The following GNA15 variants were observed in gnomAD, a reference collection of about 807,000 sequenced individuals.
The protein encoded by GNA15 is guanine nucleotide-binding protein subunit alpha-15.
GNA15 carries 23 observed loss-of-function variants against 40.1 expected under a neutral mutation model. The ratio of observed to expected loss-of-function variants is 0.57; its 90% CI spans 0.41 to 0.81. The LOEUF (loss-of-function observed/expected upper bound fraction) is 0.81. Ranked by LOEUF, GNA15 falls within the 40% of genes least tolerant of loss-of-function variation. The pLI, the probability that GNA15 is intolerant of heterozygous loss-of-function variation, is 0.00. For missense variants in GNA15, 522 were observed against 515.8 expected (o/e 1.01, Z -0.12); for synonymous variants, 226 against 210.4 (o/e 1.07, Z -0.64).
At chr19:3,147,396 T>C (rs1914750107) in intron 1 of GNA15, among the ~76,000 whole-genome samples, 1 of 150,298 alleles carries the variant, frequency 6.7e-6, no homozygotes, top group South Asian at 2.1e-4. Context: ...GTACTAAAAA[T>C]ACAAAAATTA....
At chr19:3,156,189 C>CAT (rs1915010257) in intron 5 of GNA15, among the ~76,000 whole-genome samples, 2 of 151,454 alleles carry the variant, frequency 1.3e-5, no homozygotes, top group African/African-American at 2.4e-5. Flanking sequence ...CACACACACA[C>CAT]ACACACACAC....
chr19:3,145,852 A>G (rs1001385523), intron 1 of GNA15, among the ~76,000 whole-genome samples: 10 of 151,426 alleles, frequency 6.6e-5, no homozygotes, highest in Admixed American at 3.9e-4. Context: ...CCAGCCGAGA[A>G]AAGCCTGTTT....
At chr19:3,148,960 A>C (rs1269172152) in intron 2 of GNA15, 185 bp downstream of exon 2, 3 of 600,154 alleles carry the variant, frequency 5.0e-6, no homozygotes, top group East Asian at 2.8e-5. Context: ...CATACATACA[A>C]GTGCACACAC....
chr19:3,156,416 CATG>C (rs1335573512), intron 5 of GNA15, among the ~76,000 whole-genome samples: 1 of 122,646 alleles, frequency 8.2e-6, no homozygotes, highest in East Asian at 2.0e-4. Flanking sequence ...TGCGCACACA[CATG>C]AACACACACA....
At chr19:3,145,967 C>T (rs918327040) in intron 1 of GNA15, among the ~76,000 whole-genome samples, 6 of 152,230 alleles carry the variant, frequency 3.9e-5, no homozygotes, top group African/African-American at 1.2e-4. Flanking sequence ...GTGCAGGTGG[C>T]ACCTGCTAGG....
chr19:3,148,475 C>A, intron 1 of GNA15, 116 bp from the exon 2 acceptor site: 7 of 993,618 alleles, frequency 7.0e-6, no homozygotes, highest in Non-Finnish European at 1.0e-5. Flanking sequence ...CCCGGCTGCA[C>A]CGGGGTTTGA....
At position 3,136,712 on chromosome 19, in the gene GNA15, C is replaced by T. The variant is rs866766675; in HGVS notation, c.145+117C>T. The T allele has an allele frequency of 8.8e-6, 8 of 906,442 alleles. No individual in the cohort carries two copies. Among genetic ancestry groups the T allele is most frequent in the South Asian group, 1.7e-5 (1 of 58,410 alleles). 56.1% of individuals were successfully genotyped at this position (906,442 alleles called of 1,614,324 possible). On this transcript the variant is annotated intron_variant, in intron 1 of 6. Transcript: ENST00000262958. The surrounding 1 kb of genome is among the most constrained non-coding windows in gnomAD (Gnocchi z 4.9). Reference sequence around the variant, plus strand: ...TCAGACATTGGCATCGTGGAGCCGTCGCCTCCTCCCAGGGAATGGGGAGCC... The same window carrying T: ...TCAGACATTGGCATCGTGGAGCCGTTGCCTCCTCCCAGGGAATGGGGAGCC...
intron 1 of GNA15, among the ~76,000 whole-genome samples, chr19:3,148,191 C>T (rs2144850446): frequency 6.6e-6 from 1 of 152,100 alleles, no homozygotes; most frequent in African/African-American, 2.4e-5. Context: ...CAGGTTCAAG[C>T]GATTCTCCTG....
intron 6 of GNA15, among the ~76,000 whole-genome samples, chr19:3,160,361 G>A (rs375251173): frequency 2.0e-5 from 3 of 151,796 alleles, no homozygotes; most frequent in East Asian, 1.9e-4. Flanking sequence ...CTCCATCTGG[G>A]GCCTCATGAT....
At chr19:3,145,214 G>C (rs1914683358) in intron 1 of GNA15, among the ~76,000 whole-genome samples, 1 of 149,582 alleles carries the variant, frequency 6.7e-6, no homozygotes, top group Non-Finnish European at 1.5e-5. Context: ...CTGTCACCCA[G>C]GCTGGAGTGC....
intron 1 of GNA15, among the ~76,000 whole-genome samples, chr19:3,138,124 G>C (rs1401706021): frequency 3.3e-5 from 5 of 151,844 alleles, no homozygotes; most frequent in African/African-American, 1.2e-4. Context: ...AAATTAGCCG[G>C]GTGTGGTGGC....
chr19:3,160,054 A>G (rs1385695237), intron 6 of GNA15, among the ~76,000 whole-genome samples: 1 of 152,162 alleles, frequency 6.6e-6, no homozygotes, highest in African/African-American at 2.4e-5. Context: ...ACCATCCCCA[A>G]ACTTAGTGAC....
chr19:3,150,217 G>A lies in GNA15; in HGVS notation c.417G>A (p.Trp139Ter). Reference sequence around the variant, plus strand: ...ACGCTGCGGCCATGCAGTGGCTGTGGAGGGATGCCGGCATCCGGGCCTGCT... The same window carrying A: ...ACGCTGCGGCCATGCAGTGGCTGTGAAGGGATGCCGGCATCCGGGCCTGCT... ...KRYAAAMQWL[W>*]RDAGIRACYE... is the part of the protein sequence containing the mutation. Residue 139 changes from tryptophan to a stop codon, truncating the protein, a stop_gained, in exon 3 of 7, where the codon TGG becomes TGA. Coordinates refer to ENST00000262958, the MANE Select transcript of GNA15 (RefSeq NM_002068.4). LOFTEE classifies it high-confidence loss of function. 1.2e-6 allele frequency: 2 copies of A among 1,611,970 alleles called. No individual in the cohort carries two copies. Among genetic ancestry groups the A allele is most frequent in the East Asian group, 4.5e-5 (2 of 44,796 alleles).
chr19:3,139,611 A>AAG (rs1253908739), intron 1 of GNA15, among the ~76,000 whole-genome samples: 1 of 151,222 alleles, frequency 6.6e-6, no homozygotes, highest in East Asian at 2.0e-4. Context: ...AAAAAAAAAA[A>AAG]AAAAAATGCC....
chr19:3,151,866 G>T lies in GNA15; in HGVS notation c.614+31G>T. 1 of 1,535,150 alleles carries T rather than the reference G, an allele frequency of 6.5e-7. No homozygotes were observed. ...CGCTCCACCTAGGCCCAGCCTAGGG[G>T]GCAGGGAAGGCTTCCTGTAGGAAGG... is the stretch of plus-strand genomic sequence containing the variant. On this transcript the variant is annotated intron_variant, in intron 4 of 6. Transcript: ENST00000262958. This position sits in a 1 kb window ranked among gnomAD's most constrained non-coding sequence, Gnocchi z 5.0.
chr19:3,146,982 C>T lies in GNA15; in HGVS notation c.146-1609C>T, dbSNP rs528779496. Among the ~76,000 whole-genome samples, 4 of 152,098 alleles carry T rather than the reference C, an allele frequency of 2.6e-5. No individual in the cohort carries two copies. The South Asian group carries it at 8.3e-4, about 32-fold the overall frequency. On this transcript the variant is annotated intron_variant, in intron 1 of 6. Coordinates refer to ENST00000262958, the MANE Select transcript of GNA15 (RefSeq NM_002068.4). ...GTTCCTCCAATATGCCAGGTGCGGCCCTGCCCCAGGGCCTTTGCACAAGCT... is the reference window on the plus strand; with the variant it reads ...GTTCCTCCAATATGCCAGGTGCGGCTCTGCCCCAGGGCCTTTGCACAAGCT...
At chr19:3,160,225 TG>T (rs1427376885) in intron 6 of GNA15, among the ~76,000 whole-genome samples, 2 of 149,382 alleles carry the variant, frequency 1.3e-5, no homozygotes, top group African/African-American at 4.8e-5. Flanking sequence ...TCTGGTGCCT[TG>T]GTGCTCTTGG....
chr19:3,151,724 A>G lies in GNA15; in HGVS notation c.503A>G (p.Glu168Gly), dbSNP rs756566543. ...CTCTGCAGCTACCTGTCCCACCTGG[A>G]GCGCATCACCGAGGAGGGCTACGTC... ...DSAVYYLSHLERITEEGYVPT... is the reference protein window; with the variant it reads ...DSAVYYLSHLGRITEEGYVPT... The change falls in exon 4 of 7, where the codon GAG becomes GGG. Residue 168 changes from glutamate to glycine, a missense_variant. Coordinates refer to ENST00000262958, the MANE Select transcript of GNA15 (RefSeq NM_002068.4). The surrounding 1 kb of genome is among the most constrained non-coding windows in gnomAD (Gnocchi z 5.0). 2.5e-6 allele frequency: 4 copies of G among 1,603,998 alleles called. No homozygotes were observed. Among genetic ancestry groups the G allele is most frequent in the Non-Finnish European group, 3.4e-6 (4 of 1,175,710 alleles).
At chr19:3,148,127 C>T (rs310683) in intron 1 of GNA15, among the ~76,000 whole-genome samples, 21,715 of 151,580 alleles carry the variant, frequency 0.14, 1,706 homozygotes, top group African/African-American at 0.21. Flanking sequence ...CTCGCCCTGT[C>T]GCTCAGGCTG....
Sources: gnomAD v4.1 joint callset for allele counts (sites outside exome capture counted in the v4.1 genomes callset) on GRCh38, gnomAD v4.1.1 for gene constraint, Gnocchi (gnomAD v3.1) non-coding constraint, MANE v1.5 for transcripts, NCBI Gene and HGNC (gene_info 2026-07-23, HGNC 2026-07-21) for gene names.